KCNMA1: variants seen among roughly 807,000 people sequenced by gnomAD.
KCNMA1 encodes Calcium-activated potassium channel subunit alpha-1.
A neutral mutation model predicts 140.0 loss-of-function variants in KCNMA1; 29 were observed. The observed-to-expected ratio is 0.21, with a 90% confidence interval of 0.15 to 0.28. The LOEUF is 0.28. KCNMA1 is among the 10% of genes least tolerant of loss of function. KCNMA1 has a pLI of 1.00. For synonymous variants in KCNMA1, 612 were observed against 611.9 expected (o/e 1.00, Z 0.00); for missense variants, 880 against 1,602.2 (o/e 0.55, Z 7.70).
intron 3 of KCNMA1, among the ~76,000 whole-genome samples, chr10:77,204,160 C>T (rs1291072893): frequency 6.6e-6 from 1 of 151,592 alleles, no homozygotes; most frequent in East Asian, 1.9e-4. Flanking sequence ...ACATCAGTTA[C>T]AATATTACTA....
At chr10:76,890,332 G>A (rs1003889668) in intron 26 of KCNMA1, among the ~76,000 whole-genome samples, 14 of 152,160 alleles carry the variant, frequency 9.2e-5, no homozygotes, top group African/African-American at 3.4e-4. Context: ...GGGCACTGCG[G>A]GATGGCTTCA....
chr10:77,601,066 A>G lies in KCNMA1; in HGVS notation c.378+36199T>C, dbSNP rs559848658. On this transcript the variant is annotated intron_variant, in intron 1 of 27. Transcript: ENST00000286628. ...ATCTGCGAAGCAAAAGAGAGACTTC[A>G]TCTTGGCCCTTCACAGGCAGGAAGG... 5.3e-5 allele frequency among the ~76,000 whole-genome samples: 8 copies of G among 152,366 alleles called. No homozygotes were observed. The East Asian group carries it at 1.3e-3, about 26-fold the overall frequency.
At chr10:77,242,106 T>C (rs1382034463) in intron 3 of KCNMA1, among the ~76,000 whole-genome samples, 1 of 152,118 alleles carries the variant, frequency 6.6e-6, no homozygotes, top group Non-Finnish European at 1.5e-5. Flanking sequence ...GGCAAGTTCG[T>C]AACAAGACCC....
At chr10:77,209,828 A>T (rs1354387831) in intron 3 of KCNMA1, among the ~76,000 whole-genome samples, 4 of 151,928 alleles carry the variant, frequency 2.6e-5, no homozygotes, top group African/African-American at 9.7e-5. Context: ...TCCTGGAAAC[A>T]CACAACCTCC....
intron 2 of KCNMA1, among the ~76,000 whole-genome samples, chr10:77,297,800 A>G (rs778196435): frequency 2.0e-5 from 3 of 152,168 alleles, no homozygotes; most frequent in Admixed American, 1.3e-4. Context: ...AGATCTAAAC[A>G]TGACAGGAGT....
At chr10:76,913,341 C>G (rs1362424383) in intron 24 of KCNMA1, 1 of 152,168 alleles carries the variant, frequency 6.6e-6, no homozygotes, top group African/African-American at 2.4e-5. Context: ...CGACTGGAGG[C>G]CTTTATCGTC....
chr10:77,469,451 G>A (rs1204420426), intron 1 of KCNMA1, among the ~76,000 whole-genome samples: 1 of 152,192 alleles, frequency 6.6e-6, no homozygotes, highest in Non-Finnish European at 1.5e-5. Flanking sequence ...AATTTGTCTT[G>A]AGAAGGGTCC....
intron 23 of KCNMA1, among the ~76,000 whole-genome samples, chr10:76,936,437 C>G (rs1003390242): frequency 6.6e-6 from 1 of 152,132 alleles, no homozygotes; most frequent in South Asian, 2.1e-4. Flanking sequence ...GTATAATTGT[C>G]TTTCTGGTTT....
Position 77,137,627 on chromosome 10 carries a change from C to G in KCNMA1, c.809-16579G>C, listed in dbSNP as rs77809958. 5.2e-3 allele frequency among the ~76,000 whole-genome samples: 796 copies of G among 152,290 alleles called. 9 individuals are homozygous for G. The highest frequency in any genetic ancestry group is 0.019 in the African/African-American group (772 of 41,560). On this transcript the variant is annotated intron_variant, in intron 5 of 27. Coordinates refer to ENST00000286628, the MANE Select transcript of KCNMA1 (RefSeq NM_001161352.2). The stretch of plus-strand genomic sequence containing the variant: ...CAGAGTGAATCTGAGCCTCTCCTTC[C>G]CAGCTGGAGAAAAAGGACTGTCTCG...
chr10:77,081,621 G>C (rs1261004770), intron 12 of KCNMA1, among the ~76,000 whole-genome samples: 2 of 152,126 alleles, frequency 1.3e-5, no homozygotes, highest in Non-Finnish European at 2.9e-5. Flanking sequence ...TTAGGAAATG[G>C]ATCACGCTAA....
intron 1 of KCNMA1, among the ~76,000 whole-genome samples, chr10:77,610,857 A>G (rs1298407844): frequency 6.6e-6 from 1 of 152,252 alleles, no homozygotes; most frequent in Admixed American, 6.5e-5. Context: ...TGTACACTTT[A>G]AAAGAAGGAA....
rs1203488962 is a variant in KCNMA1, at chr10:77,170,738, C to G, written c.808+12683G>C. Among the ~76,000 whole-genome samples the G allele has an allele frequency of 2.6e-5, 4 of 152,278 alleles. No individual in the cohort carries two copies. In the South Asian group the frequency reaches 6.2e-4, roughly 24 times the overall value. Reference sequence around the variant, plus strand: ...CAGAGAGTTTAGGAAGCGATATCAACCAAATTGGCTCTAGACAAAATACTA... The same window carrying G: ...CAGAGAGTTTAGGAAGCGATATCAAGCAAATTGGCTCTAGACAAAATACTA... On this transcript the variant is annotated intron_variant, in intron 5 of 27. Transcript: ENST00000286628.
chr10:77,554,927 T>G (rs1603635841), intron 1 of KCNMA1, among the ~76,000 whole-genome samples: 1 of 152,100 alleles, frequency 6.6e-6, no homozygotes, highest in South Asian at 2.1e-4. Context: ...CACAGAGGGG[T>G]GCAGGTTGGC....
chr10:77,195,372 A>G (rs2040111788), intron 3 of KCNMA1, among the ~76,000 whole-genome samples: 1 of 152,166 alleles, frequency 6.6e-6, no homozygotes, highest in Non-Finnish European at 1.5e-5. Context: ...CCTGGGCAGT[A>G]GAAACCAACA....
chr10:77,145,415 T>C (rs548921559), intron 5 of KCNMA1, among the ~76,000 whole-genome samples: 34 of 152,234 alleles, frequency 2.2e-4, no homozygotes, highest in Non-Finnish European at 4.3e-4. Context: ...TCTGGACATG[T>C]GTCTATTCCA....
intron 1 of KCNMA1, among the ~76,000 whole-genome samples, chr10:77,408,452 GTGTGTGCGTT>G (rs1466678999): frequency 2.6e-5 from 4 of 151,888 alleles, no homozygotes; most frequent in Non-Finnish European, 4.4e-5. Flanking sequence ...GTGTGCATGT[GTGTGTGCGTT>G]TGTGTGCACG....
chr10:77,084,547 T>C (rs1158250478), intron 12 of KCNMA1, 90 bp downstream of exon 12: 7 of 1,004,902 alleles, frequency 7.0e-6, no homozygotes, highest in Non-Finnish European at 1.1e-5. Flanking sequence ...AAAGGCCTCA[T>C]AGAGATAGTC....
chr10:77,004,198 GACAA>G (rs966766302), intron 18 of KCNMA1, among the ~76,000 whole-genome samples: 1 of 142,752 alleles, frequency 7.0e-6, no homozygotes, highest in African/African-American at 2.7e-5. Context: ...AATCTCAAAA[GACAA>G]ACAAGTGCCA....
intron 1 of KCNMA1, chr10:77,634,160 T>G (rs1194025642): frequency 1.0e-6 from 1 of 985,308 alleles, no homozygotes; most frequent in Non-Finnish European, 1.2e-6. Context: ...CAGCTCCCTA[T>G]TCAATATAGT....
Sources: allele counts gnomAD v4.1 joint callset (sites outside exome capture counted in the v4.1 genomes callset), GRCh38; gene constraint gnomAD v4.1.1; transcripts MANE v1.5; gene names NCBI Gene and HGNC (gene_info 2026-07-23, HGNC 2026-07-21).